Variants in SRD5A1 observed in about 807,000 individuals in gnomAD.
The protein encoded by SRD5A1 is 3-oxo-5-alpha-steroid 4-dehydrogenase 1.
SRD5A1 carries 22 observed loss-of-function variants against 28.2 expected under a neutral mutation model. The observed-to-expected ratio is 0.78, with a 90% CI of 0.56 to 1.12. The LOEUF is 1.12. Ranked by LOEUF, SRD5A1 falls within the 50% of genes most tolerant of loss-of-function variation. SRD5A1 has a pLI of 0.00. For synonymous variants in SRD5A1, 151 were observed against 135.0 expected (o/e 1.12, Z -0.82); for missense variants, 300 against 346.7 (o/e 0.87, Z 1.07).
At chr5:6,645,110 G>A (rs1033277221) in intron 1 of SRD5A1, 4 of 409,788 alleles carry the variant, frequency 9.8e-6, no homozygotes, top group African/African-American at 8.2e-5. Flanking sequence ...TTTGACTCAT[G>A]TGAATGTCTT....
At chr5:6,659,113 A>T (rs559037039) in intron 3 of SRD5A1, among the ~76,000 whole-genome samples, 1 of 151,048 alleles carries the variant, frequency 6.6e-6, no homozygotes. Flanking sequence ...TCAAAAAAAA[A>T]AATCTTTTTT....
chr5:6,663,328 G>A (rs1739067759), intron 4 of SRD5A1, among the ~76,000 whole-genome samples: 1 of 152,236 alleles, frequency 6.6e-6, no homozygotes, highest in Non-Finnish European at 1.5e-5. Flanking sequence ...GCTGCAGGTT[G>A]AGGAAGTCCT....
In SRD5A1 at chr5:6,670,812, T is replaced by C. The variant is rs1739339590; in HGVS notation, c.*2544T>C. 6.6e-6 allele frequency: 1 copy of C among 152,246 alleles called. No individual in the cohort carries two copies. The highest frequency in any genetic ancestry group is 6.5e-5 in the Admixed American group (1 of 15,284). 9.4% of individuals were successfully genotyped at this position (152,246 alleles called of 1,614,324 possible). A position where few individuals can be genotyped will look rare whatever the true frequency, so the allele number is the denominator to read the frequency against. On this transcript the variant is annotated 3_prime_UTR_variant, in exon 5 of 5. Transcript: ENST00000274192. Reference sequence around the variant, plus strand: ...CAAAGCTTAACCACCTTTCTTAAGATATTGATCAACCAGATCATTGCAAAT... The same window carrying C: ...CAAAGCTTAACCACCTTTCTTAAGACATTGATCAACCAGATCATTGCAAAT...
intron 3 of SRD5A1, among the ~76,000 whole-genome samples, chr5:6,659,352 AT>A (rs1178017808): frequency 7.6e-4 from 116 of 152,084 alleles, no homozygotes; most frequent in African/African-American, 2.7e-3. Flanking sequence ...TGACCTCGTG[AT>A]CCGCCCACCT....
At chr5:6,634,161 T>C (rs1435387279) in intron 1 of SRD5A1, among the ~76,000 whole-genome samples, 1 of 152,138 alleles carries the variant, frequency 6.6e-6, no homozygotes, top group Non-Finnish European at 1.5e-5. Context: ...CACTCAGTGG[T>C]CCTAGGTTTG....
chr5:6,645,057 TA>T (rs1675555183), intron 1 of SRD5A1: 1 of 453,818 alleles, frequency 2.2e-6, no homozygotes, highest in Admixed American at 2.4e-5. Flanking sequence ...GAAGTCTTCC[TA>T]GGGGTCCTGG....
intron 1 of SRD5A1, among the ~76,000 whole-genome samples, chr5:6,645,631 C>T (rs918045301): frequency 1.5e-5 from 2 of 133,048 alleles, no homozygotes; most frequent in Non-Finnish European, 1.6e-5. Flanking sequence ...AAGAGCGAAA[C>T]TCCATCTCAA....
chr5:6,666,248 C>T (rs760261570), intron 4 of SRD5A1, among the ~76,000 whole-genome samples: 8 of 151,960 alleles, frequency 5.3e-5, no homozygotes, highest in Non-Finnish European at 8.8e-5. Flanking sequence ...CCCAGGTTCA[C>T]GCCATTCTCC....
intron 2 of SRD5A1, among the ~76,000 whole-genome samples, chr5:6,653,081 G>A (rs762271302): frequency 2.0e-5 from 3 of 152,140 alleles, no homozygotes; most frequent in African/African-American, 4.8e-5. Context: ...ACCTTACATT[G>A]CATTGTGCTT....
Position 6,633,811 on chromosome 5 carries a change from C to A in SRD5A1, c.235C>A (p.Leu79Ile), listed in dbSNP as rs199742160. ...GTACGCCAGCGAGTCCGCCCCGCGT[C>A]TCCGCAGCGCGCCCAACTGCATCCT... The part of the protein sequence containing the change: ...YQYASESAPR[L>I]RSAPNCILLA... Residue 79 changes from leucine (L) to isoleucine (I), a missense_variant, in exon 1 of 5, where the codon CTC becomes ATC. By Grantham distance (5) the Leu-to-Ile change is conservative (BLOSUM62 2). Coordinates refer to ENST00000274192, the MANE Select transcript of SRD5A1 (RefSeq NM_001047.4). 6 of 1,597,822 alleles carry A rather than the reference C, an allele frequency of 3.8e-6. No homozygotes were observed. In the African/African-American group the frequency reaches 6.7e-5, roughly 18 times the overall value.
chr5:6,643,267 G>A (rs1738416291), intron 1 of SRD5A1, among the ~76,000 whole-genome samples: 1 of 152,152 alleles, frequency 6.6e-6, no homozygotes, highest in Non-Finnish European at 1.5e-5. Context: ...CTCACCCAGA[G>A]CCGACAAAGA....
intron 3 of SRD5A1, among the ~76,000 whole-genome samples, chr5:6,657,668 A>G (rs1738874481): frequency 6.6e-6 from 1 of 152,224 alleles, no homozygotes; most frequent in African/African-American, 2.4e-5. Context: ...CAGATTTGAG[A>G]AACACCACTT....
rs1215300968 is a variant in SRD5A1, at chr5:6,633,456, C to G, written c.-121C>G. On this transcript the variant is annotated 5_prime_UTR_variant, in exon 1 of 5. Coordinates refer to ENST00000274192, the MANE Select transcript of SRD5A1 (RefSeq NM_001047.4). ...CTTGAGAACCCTTTCTGCAGAGTCCCGGCAGTGCGGGACTCCGGTAGCCGC... is the reference window on the plus strand; with the variant it reads ...CTTGAGAACCCTTTCTGCAGAGTCCGGGCAGTGCGGGACTCCGGTAGCCGC... The G allele has an allele frequency of 4.3e-6, 5 of 1,165,274 alleles. No homozygotes were observed. The highest frequency in any genetic ancestry group is 5.7e-6 in the Non-Finnish European group (5 of 879,518). The allele number at this position is 1,165,274 out of a possible 1,614,324, so 72.2% of individuals were successfully genotyped here.
intron 1 of SRD5A1, among the ~76,000 whole-genome samples, chr5:6,649,269 C>G (rs559586904): frequency 9.1e-4 from 139 of 152,348 alleles, no homozygotes; most frequent in African/African-American, 3.0e-3. Flanking sequence ...AACCGCTGCT[C>G]TCTTCAGAGC....
intron 2 of SRD5A1, among the ~76,000 whole-genome samples, chr5:6,652,302 A>G (rs1738702597): frequency 6.6e-6 from 1 of 152,206 alleles, no homozygotes; most frequent in Non-Finnish European, 1.5e-5. Context: ...AGCAGGGACT[A>G]AAGATTGAGA....
chr5:6,672,264 A>C lies in SRD5A1; in HGVS notation c.*3996A>C, dbSNP rs1156485290. On this transcript the variant is annotated 3_prime_UTR_variant, in exon 5 of 5. Coordinates refer to ENST00000274192, the MANE Select transcript of SRD5A1 (RefSeq NM_001047.4). Reference sequence around the variant, plus strand: ...AGCTGTTGATACTCCTGACTGTTGCATTATTTTGTTTTTTGTTTTGTTTTG... The same window carrying C: ...AGCTGTTGATACTCCTGACTGTTGCCTTATTTTGTTTTTTGTTTTGTTTTG... 6.7e-6 allele frequency: 1 copy of C among 149,384 alleles called. No individual in the cohort carries two copies. The highest frequency in any genetic ancestry group is 2.6e-5 in the African/African-American group (1 of 38,730). 9.3% of individuals were successfully genotyped at this position (149,384 alleles called of 1,614,324 possible).
intron 3 of SRD5A1, among the ~76,000 whole-genome samples, chr5:6,659,073 T>TA (rs1738914902): frequency 6.6e-6 from 1 of 150,826 alleles, no homozygotes; most frequent in Non-Finnish European, 1.5e-5. Flanking sequence ...GCCTCGATCA[T>TA]ACCACTGCAC....
At chr5:6,634,297 A>G (rs1462870450) in intron 1 of SRD5A1, among the ~76,000 whole-genome samples, 1 of 152,212 alleles carries the variant, frequency 6.6e-6, no homozygotes, top group Non-Finnish European at 1.5e-5. Flanking sequence ...ACTGCCCTCC[A>G]GCCTGGGTGA....
At chr5:6,649,262 C>T (rs997448311) in intron 1 of SRD5A1, among the ~76,000 whole-genome samples, 3 of 152,170 alleles carry the variant, frequency 2.0e-5, no homozygotes, top group African/African-American at 4.8e-5. Context: ...CTGGGAGAAC[C>T]GCTGCTCTCT....
Sources: allele counts gnomAD v4.1 joint callset (sites outside exome capture counted in the v4.1 genomes callset), GRCh38; gene constraint gnomAD v4.1.1; transcripts MANE v1.5; gene names NCBI Gene and HGNC (gene_info 2026-07-23, HGNC 2026-07-21).